Variants in NFIB observed in about 807,000 individuals in gnomAD.
The protein encoded by NFIB is nuclear factor 1 B-type.
NFIB carries 11 observed loss-of-function variants against 61.5 expected under a neutral mutation model. The ratio of observed to expected loss-of-function variants is 0.18; its 90% CI spans 0.11 to 0.30. The LOEUF is 0.30. NFIB is among the 10% of genes least tolerant of loss of function. The probability of loss-of-function intolerance (pLI) is 1.00; values close to 1 mark genes in which losing one functional copy is unlikely to be tolerated. For synonymous variants in NFIB, 260 were observed against 216.5 expected (o/e 1.20, Z -1.76); for missense variants, 471 against 608.9 (o/e 0.77, Z 2.38).
intron 1 of NFIB, among the ~76,000 whole-genome samples, chr9:14,389,081 C>T (rs1387552265): frequency 1.3e-5 from 2 of 152,276 alleles, no homozygotes; most frequent in South Asian, 2.1e-4. Context: ...ATTAGATGAT[C>T]GCAAAGGTTT....
the NFIB span, among the ~76,000 whole-genome samples, chr9:14,442,621 G>A: frequency 1.3e-5 from 2 of 152,064 alleles, no homozygotes; most frequent in East Asian, 3.9e-4. Context: ...ATCTTTGGCG[G>A]TCCCTGGCTT....
At chr9:14,206,272 G>T (rs62532551) in intron 2 of NFIB, among the ~76,000 whole-genome samples, 34 of 151,104 alleles carry the variant, frequency 2.3e-4, no homozygotes, top group Admixed American at 7.2e-4. Context: ...GCCTCCCAAG[G>T]TTCAAACAAT....
At chr9:14,350,514 T>TGGGGGG (rs35774336) in intron 1 of NFIB, among the ~76,000 whole-genome samples, 72 of 140,046 alleles carry the variant, frequency 5.1e-4, no homozygotes, top group Middle Eastern at 3.5e-3. Context: ...CTGGGTGGGG[T>TGGGGGG]GGGGGGGGAA....
At chr9:14,213,753 G>A (rs2050556801) in intron 2 of NFIB, among the ~76,000 whole-genome samples, 1 of 152,170 alleles carries the variant, frequency 6.6e-6, no homozygotes, top group East Asian at 1.9e-4. Flanking sequence ...GCATTGCTCA[G>A]GATCTCTTTC....
intron 2 of NFIB, among the ~76,000 whole-genome samples, chr9:14,187,005 C>CTGTGTGTGTGTGTGTG (rs762584581): frequency 3.1e-5 from 2 of 64,064 alleles, no homozygotes; most frequent in Non-Finnish European, 4.3e-5. Context: ...TTCTTCGCTC[C>CTGTGTGTGTGTGTGTG]TGTGTGTGTG....
chr9:14,253,317 G>A (rs1452160479), intron 2 of NFIB, among the ~76,000 whole-genome samples: 1 of 152,134 alleles, frequency 6.6e-6, no homozygotes, highest in Non-Finnish European at 1.5e-5. Context: ...CAAGTTCTCT[G>A]GTGCAAAGGG....
upstream of NFIB, among the ~76,000 whole-genome samples, chr9:14,316,106 G>C (rs968814697): frequency 1.3e-5 from 2 of 152,164 alleles, no homozygotes; most frequent in African/African-American, 4.8e-5. Flanking sequence ...GGAGGAACCA[G>C]TGACTTTTTC....
intron 2 of NFIB, chr9:14,204,624 G>A: frequency 1.4e-6 from 1 of 724,494 alleles, no homozygotes; most frequent in Non-Finnish European, 2.4e-6. Flanking sequence ...CCGGCAAAGG[G>A]GACCTCCCCA....
intron 1 of NFIB, among the ~76,000 whole-genome samples, chr9:14,350,913 G>A (rs900550333): frequency 1.3e-5 from 2 of 152,092 alleles, no homozygotes; most frequent in Admixed American, 1.3e-4. Flanking sequence ...CTTTAAATAG[G>A]AAGGAGACCG....
intron 1 of NFIB, among the ~76,000 whole-genome samples, chr9:14,351,171 C>T (rs531325887): frequency 1.4e-4 from 22 of 152,204 alleles, no homozygotes; most frequent in Non-Finnish European, 2.5e-4. Context: ...TCTGCACCTC[C>T]TATGGTCCAG....
intron 2 of NFIB, among the ~76,000 whole-genome samples, chr9:14,212,581 T>C (rs1453141782): frequency 1.3e-5 from 2 of 152,010 alleles, no homozygotes; most frequent in East Asian, 3.9e-4. Context: ...GGTTCACCAC[T>C]GAGTAATAGT....
chr9:14,275,264 G>C (rs769362850), intron 2 of NFIB, among the ~76,000 whole-genome samples: 14 of 152,092 alleles, frequency 9.2e-5, no homozygotes, highest in Non-Finnish European at 7.4e-5. Flanking sequence ...ATATTTAAAT[G>C]AGTAACTTAG....
At chr9:14,139,007 G>A (rs778890018) in intron 6 of NFIB, among the ~76,000 whole-genome samples, 20 of 151,902 alleles carry the variant, frequency 1.3e-4, no homozygotes, top group Non-Finnish European at 2.8e-4. Flanking sequence ...TCTCATTCTA[G>A]TTCTGTTAGG....
the NFIB span, among the ~76,000 whole-genome samples, chr9:14,457,304 A>G: frequency 6.6e-6 from 1 of 152,146 alleles, no homozygotes; most frequent in African/African-American, 2.4e-5. Flanking sequence ...TATATTACCT[A>G]TTTACAAAAT....
intron 1 of NFIB, among the ~76,000 whole-genome samples, chr9:14,348,549 C>T (rs1025777641): frequency 3.3e-5 from 5 of 152,224 alleles, no homozygotes; most frequent in African/African-American, 9.6e-5. Flanking sequence ...CAGTTTAGCA[C>T]GGCACAGGCG....
At chr9:14,229,359 T>G (rs911774198) in intron 2 of NFIB, among the ~76,000 whole-genome samples, 3 of 152,160 alleles carry the variant, frequency 2.0e-5, no homozygotes, top group African/African-American at 7.2e-5. Flanking sequence ...ACGATGGCCT[T>G]ATGAAGAATT....
At chr9:14,262,317 C>T (rs1354144694) in intron 2 of NFIB, among the ~76,000 whole-genome samples, 3 of 152,204 alleles carry the variant, frequency 2.0e-5, no homozygotes, top group East Asian at 1.9e-4. Flanking sequence ...CCTCTACCTA[C>T]GCAATTAGTT....
chr9:14,224,715 T>TTA (rs892248675), intron 2 of NFIB, among the ~76,000 whole-genome samples: 1 of 152,196 alleles, frequency 6.6e-6, no homozygotes, highest in Non-Finnish European at 1.5e-5. Context: ...AACTTGAGCA[T>TTA]TATGGTGTTT....
At chr9:14,179,129 A>C (rs1251436254) in intron 3 of NFIB, among the ~76,000 whole-genome samples, 1 of 152,226 alleles carries the variant, frequency 6.6e-6, no homozygotes, top group Non-Finnish European at 1.5e-5. Flanking sequence ...ATATGAAGAC[A>C]GCCAAGTTAT....
Sources: allele counts gnomAD v4.1 joint callset (sites outside exome capture counted in the v4.1 genomes callset), GRCh38; gene constraint gnomAD v4.1.1; transcripts MANE v1.5; gene names NCBI Gene and HGNC (gene_info 2026-07-23, HGNC 2026-07-21).